The following PGAP1 variants were observed in gnomAD, a reference collection of about 807,000 sequenced individuals.
PGAP1 encodes post-GPI attachment to proteins inositol deacylase 1.
Under a neutral mutation model 127.0 loss-of-function variants are expected in PGAP1, and 76 were observed. The ratio of observed to expected loss-of-function variants is 0.60; its 90% CI spans 0.50 to 0.72. The LOEUF (loss-of-function observed/expected upper bound fraction) is 0.72, where lower values mean the gene tolerates loss of function less well. Among genes scored for constraint, PGAP1 ranks in the 30% least tolerant of loss-of-function variants. PGAP1 has a pLI of 0.00. For missense variants in PGAP1, 982 were observed against 1,071.3 expected, an observed-to-expected ratio of 0.92 and a Z score of 1.16; for synonymous variants, 362 against 366.5, an observed-to-expected ratio of 0.99 and a Z score of 0.14.
intron 9 of PGAP1, 76 bp downstream of exon 9, chr2:196,892,270 T>C (rs1163588308): frequency 1.5e-5 from 10 of 686,820 alleles, no homozygotes; most frequent in Non-Finnish European, 2.3e-5. Flanking sequence ...GTTTAAAGAG[T>C]CTTTAACTTT....
Position 196,834,462 on chromosome 2 carries a change from C to A in PGAP1, c.*6772G>T, listed in dbSNP as rs1700182847. 6.6e-6 allele frequency: 1 copy of A among 152,490 alleles called. No individual in the cohort carries two copies. Among genetic ancestry groups the A allele is most frequent in the Admixed American group, 6.5e-5 (1 of 15,280 alleles). The allele number at this position is 152,490 out of a possible 1,614,324, so 9.4% of individuals were successfully genotyped here. A position where few individuals can be genotyped will look rare whatever the true frequency, so the allele number is the denominator to read the frequency against. ...GCACTCTTTATCATTTCAAGGCACA[C>A]TCTGTTTTATCCCAAATGACTATAA... is the stretch of plus-strand genomic sequence containing the variant. On this transcript the variant is annotated 3_prime_UTR_variant, in exon 27 of 27. Coordinates refer to ENST00000354764, the MANE Select transcript of PGAP1 (RefSeq NM_024989.4).
chr2:196,884,707 A>G (rs995165296), intron 12 of PGAP1, among the ~76,000 whole-genome samples: 1 of 152,228 alleles, frequency 6.6e-6, no homozygotes, highest in East Asian at 1.9e-4. Flanking sequence ...TCTAGGATTC[A>G]TTATGAAACT....
At chr2:196,873,823 T>C (rs1701477947) in intron 14 of PGAP1, 65 bp from the exon 15 acceptor site, 2 of 1,086,702 alleles carry the variant, frequency 1.8e-6, no homozygotes. Flanking sequence ...ATACTGATTA[T>C]TTAATTAGCA....
intron 1 of PGAP1, chr2:196,922,059 T>A: frequency 1.0e-6 from 1 of 955,314 alleles, no homozygotes; most frequent in African/African-American, 1.8e-5. Context: ...TCTATGTAGT[T>A]TATTTTAAAT....
At chr2:196,925,229 G>T (rs772266956) in intron 1 of PGAP1, among the ~76,000 whole-genome samples, 1 of 152,000 alleles carries the variant, frequency 6.6e-6, no homozygotes, top group Non-Finnish European at 1.5e-5. Context: ...TTTCCCATGG[G>T]AAAGAATGCT....
chr2:196,869,773 G>A (rs1271226621), intron 19 of PGAP1, among the ~76,000 whole-genome samples: 1 of 152,122 alleles, frequency 6.6e-6, no homozygotes, highest in African/African-American at 2.4e-5. Context: ...AATTAATAAT[G>A]ATCATAATCT....
intron 20 of PGAP1, among the ~76,000 whole-genome samples, chr2:196,855,386 A>T (rs1700846991): frequency 1.3e-5 from 2 of 151,840 alleles, no homozygotes; most frequent in South Asian, 4.2e-4. Flanking sequence ...TTGATATTAC[A>T]GGTATAAGCC....
chr2:196,835,516 C>T lies in PGAP1; in HGVS notation c.*5718G>A, dbSNP rs1404722363. 6.6e-6 allele frequency: 1 copy of T among 152,026 alleles called. No individual in the cohort carries two copies. The highest frequency in any genetic ancestry group is 2.4e-5 in the African/African-American group (1 of 41,438). The allele number at this position is 152,026 out of a possible 1,614,324, so 9.4% of individuals were successfully genotyped here. On this transcript the variant is annotated 3_prime_UTR_variant, in exon 27 of 27. Coordinates refer to ENST00000354764, the MANE Select transcript of PGAP1 (RefSeq NM_024989.4). ...AAATCAGAAAACATTCAAGCAATCACACAAAATAGAACACACTAGGCTACA... is the reference window on the plus strand; with the variant it reads ...AAATCAGAAAACATTCAAGCAATCATACAAAATAGAACACACTAGGCTACA...
In PGAP1 at chr2:196,922,615, C is replaced by CACACAA. The variant is rs1196388063; in HGVS notation, c.148-2466_148-2465insTTGTGT. 4 of 714,180 alleles carry CACACAA rather than the reference C, an allele frequency of 5.6e-6. No individual in the cohort carries two copies. In the African/African-American group the frequency reaches 8.2e-5, roughly 15 times the overall value. 44.2% of individuals were successfully genotyped at this position (714,180 alleles called of 1,614,324 possible). A position where few individuals can be genotyped will look rare whatever the true frequency, so the allele number is the denominator to read the frequency against. On this transcript the variant is annotated intron_variant, in intron 1 of 26. Transcript: ENST00000354764. ...ACACACACACACACACACACACACA[C>CACACAA]AACAAAGCTTAAGAGAGAGACATCC... is the stretch of plus-strand genomic sequence containing the variant.
Position 196,890,871 on chromosome 2 carries a change from T to G in PGAP1, c.1130A>C (p.His377Pro). The G allele has an allele frequency of 1.3e-6, 2 of 1,549,298 alleles. No individual in the cohort carries two copies. Among genetic ancestry groups the G allele is most frequent in the Non-Finnish European group, 1.8e-6 (2 of 1,122,064 alleles). The change falls in exon 10 of 27, where the codon CAT becomes CCT. Residue 377 changes from histidine (H) to proline (P), a missense_variant. Coordinates refer to ENST00000354764, the MANE Select transcript of PGAP1 (RefSeq NM_024989.4). The stretch of plus-strand genomic sequence containing the variant: ...ATAGACATGAGTGTAGATTTTTCTA[T>G]GATTTTCAAGAGGAAATGTAAAATA... ...KIYFTFPLEN[H>P]RKIYTHVYCQ... is the part of the protein sequence containing the mutation.
At position 196,859,186 on chromosome 2, in the gene PGAP1, G is replaced by A. The variant is rs562327163; in HGVS notation, c.1861+5801C>T. ...TACTAAAAATACAAAAATTAGCCAG[G>A]TGTGGTGGCACACACCTGTAATCCC... On this transcript the variant is annotated intron_variant, in intron 20 of 26. Transcript: ENST00000354764. 3.9e-5 allele frequency among the ~76,000 whole-genome samples: 6 copies of A among 152,228 alleles called. No individual in the cohort carries two copies. In the East Asian group the frequency reaches 5.8e-4, roughly 15 times the overall value.
At chr2:196,857,762 C>A (rs1229124988) in intron 20 of PGAP1, among the ~76,000 whole-genome samples, 1 of 152,204 alleles carries the variant, frequency 6.6e-6, no homozygotes, top group Non-Finnish European at 1.5e-5. Context: ...CAACCTTATA[C>A]AGAAAAAAAT....
At chr2:196,923,256 A>G (rs1703264698) in intron 1 of PGAP1, among the ~76,000 whole-genome samples, 1 of 152,132 alleles carries the variant, frequency 6.6e-6, no homozygotes, top group African/African-American at 2.4e-5. Context: ...TGTTCATGCA[A>G]TGTGTCCCAG....
Position 196,847,024 on chromosome 2 carries a change from GAAGA to G in PGAP1, c.2125_2128del (p.Ser709HisfsTer4). 1 of 1,613,238 alleles carries G rather than the reference GAAGA, an allele frequency of 6.2e-7. No individual in the cohort carries two copies. Among genetic ancestry groups the G allele is most frequent in the East Asian group, 2.2e-5 (1 of 44,834 alleles). ...TTACCTTTTCAAAGCTAGCCACAAT[GAAGA>G]AAGAAGTCTCACAGATGCAGAAGAC... On this transcript the variant is annotated frameshift_variant, in exon 22 of 27. Transcript: ENST00000354764. LOFTEE classifies it high-confidence loss of function.
chr2:196,899,742 A>T (rs557708483), intron 5 of PGAP1, among the ~76,000 whole-genome samples: 31 of 152,358 alleles, frequency 2.0e-4, no homozygotes, highest in African/African-American at 7.5e-4. Context: ...TTGCTTTAAT[A>T]TGTGACTGAG....
Position 196,845,868 on chromosome 2 carries a change from C to T in PGAP1, c.2286+14G>A. 1 of 1,584,444 alleles carries T rather than the reference C, an allele frequency of 6.3e-7. No homozygotes were observed. The highest frequency in any genetic ancestry group is 2.3e-5 in the East Asian group (1 of 44,174). On this transcript the variant is annotated intron_variant, in intron 23 of 26. Coordinates refer to ENST00000354764, the MANE Select transcript of PGAP1 (RefSeq NM_024989.4). ...ACAAAGCTCAATCATTTTGGCTTTACTGATTTGACATACCTTAAACACATA... is the reference window on the plus strand; with the variant it reads ...ACAAAGCTCAATCATTTTGGCTTTATTGATTTGACATACCTTAAACACATA...
In PGAP1 at chr2:196,834,162, G is replaced by A. The variant is rs1044494877; in HGVS notation, c.*7072C>T. The A allele has an allele frequency of 1.3e-5, 2 of 152,008 alleles. No homozygotes were observed. Among genetic ancestry groups the A allele is most frequent in the Admixed American group, 1.3e-4 (2 of 15,260 alleles). 9.4% of individuals were successfully genotyped at this position (152,008 alleles called of 1,614,324 possible). A position where few individuals can be genotyped will look rare whatever the true frequency, so the allele number is the denominator to read the frequency against. On this transcript the variant is annotated 3_prime_UTR_variant, in exon 27 of 27. Coordinates refer to ENST00000354764, the MANE Select transcript of PGAP1 (RefSeq NM_024989.4). ...AGATTAGTTTTTCCAAGTGTGGTAAGTTCAGAACAATGCTACCACCTTCTC... is the reference window on the plus strand; with the variant it reads ...AGATTAGTTTTTCCAAGTGTGGTAAATTCAGAACAATGCTACCACCTTCTC...
intron 4 of PGAP1, among the ~76,000 whole-genome samples, chr2:196,912,603 A>AG (rs1702865703): frequency 6.6e-6 from 1 of 150,826 alleles, no homozygotes; most frequent in African/African-American, 2.4e-5. Flanking sequence ...AAAAAAAAAA[A>AG]AAAACTAAAC....
intron 20 of PGAP1, among the ~76,000 whole-genome samples, chr2:196,849,893 A>C (rs1006099794): frequency 6.6e-6 from 1 of 152,126 alleles, no homozygotes; most frequent in South Asian, 2.1e-4. Flanking sequence ...GGTTTTGTCC[A>C]TTGTACTACA....
Sources: gnomAD v4.1 joint callset for allele counts (sites outside exome capture counted in the v4.1 genomes callset) on GRCh38, gnomAD v4.1.1 for gene constraint, MANE v1.5 for transcripts, NCBI Gene and HGNC (gene_info 2026-07-23, HGNC 2026-07-21) for gene names.